The following CHRNA5 variants were observed in gnomAD, a reference collection of about 807,000 sequenced individuals.
CHRNA5 encodes the protein cholinergic receptor nicotinic alpha 5 subunit.
CHRNA5 carries 28 observed loss-of-function variants against 41.2 expected under a neutral mutation model. The ratio of observed to expected loss-of-function variants is 0.68; its 90% CI spans 0.50 to 0.93. The LOEUF (loss-of-function observed/expected upper bound fraction) is 0.93, where lower values mean the gene tolerates loss of function less well. CHRNA5 is among the 40% of genes least tolerant of loss of function. CHRNA5 has a pLI of 0.00. For synonymous variants in CHRNA5, 188 were observed against 205.8 expected (o/e 0.91, Z 0.74); for missense variants, 481 against 581.9 (o/e 0.83, Z 1.78).
rs201192025 is a variant in CHRNA5, at chr15:78,588,308, T to G, written c.304-6T>G. ...TGAAATTGAGGCAGATTTCTTTGTT[T>G]TAAAGGAATGGATAGATGTAAAATT... On this transcript the variant is annotated splice_polypyrimidine_tract_variant and splice_region_variant and intron_variant, in intron 3 of 5. Transcript: ENST00000299565. This position sits in a 1 kb window ranked among gnomAD's most constrained non-coding sequence, Gnocchi z 4.1. 6.9e-7 allele frequency: 1 copy of G among 1,446,168 alleles called. No individual in the cohort carries two copies. Among genetic ancestry groups the G allele is most frequent in the African/African-American group, 1.4e-5 (1 of 70,242 alleles). 89.6% of individuals were successfully genotyped at this position (1,446,168 alleles called of 1,614,324 possible). A position where few individuals can be genotyped will look rare whatever the true frequency, so the allele number is the denominator to read the frequency against.
intron 3 of CHRNA5, 23 bp downstream of exon 3, chr15:78,586,712 G>A: frequency 1.9e-6 from 3 of 1,576,254 alleles, no homozygotes; most frequent in Non-Finnish European, 2.6e-6. Context: ...AATTCAAACG[G>A]GCACCCAATT....
chr15:78,588,125 ATGG>A lies in CHRNA5; in HGVS notation c.304-186_304-184del, dbSNP rs2052977833. ...TTCTCACCTGTGTCTCACAGGGACC[ATGG>A]TGAGAACCACTACACAAGGGGACAG... On this transcript the variant is annotated intron_variant, in intron 3 of 5. Transcript: ENST00000299565. The surrounding 1 kb of genome is among the most constrained non-coding windows in gnomAD (Gnocchi z 4.1). 6.6e-6 allele frequency among the ~76,000 whole-genome samples: 1 copy of A among 152,048 alleles called. No homozygotes were observed. Among genetic ancestry groups the A allele is most frequent in the Admixed American group, 6.6e-5 (1 of 15,258 alleles).
At chr15:78,576,599 A>G (rs1343248131) in intron 1 of CHRNA5, among the ~76,000 whole-genome samples, 2 of 151,070 alleles carry the variant, frequency 1.3e-5, no homozygotes, top group Admixed American at 1.3e-4. Context: ...CTGAGCTACA[A>G]AAAGAGACCC....
intron 1 of CHRNA5, among the ~76,000 whole-genome samples, chr15:78,571,100 ACT>A (rs1476759201): frequency 1.1e-4 from 17 of 152,228 alleles, no homozygotes; most frequent in African/African-American, 3.9e-4. Context: ...AGGGCCTGAG[ACT>A]CTGCATTTCT....
At chr15:78,570,100 G>A (rs552280139) in intron 1 of CHRNA5, among the ~76,000 whole-genome samples, 3 of 152,296 alleles carry the variant, frequency 2.0e-5, no homozygotes, top group Admixed American at 6.5e-5. Context: ...GGGATTACAG[G>A]CGTGAGCCAC....
intron 1 of CHRNA5, among the ~76,000 whole-genome samples, chr15:78,576,398 G>A (rs1030611630): frequency 1.3e-5 from 2 of 152,088 alleles, no homozygotes; most frequent in Non-Finnish European, 2.9e-5. Context: ...CATTTGCCTC[G>A]GCCTCCCAAA....
At chr15:78,569,037 A>T (rs189562557) in intron 1 of CHRNA5, among the ~76,000 whole-genome samples, 1 of 152,226 alleles carries the variant, frequency 6.6e-6, no homozygotes, top group Non-Finnish European at 1.5e-5. Flanking sequence ...TTTGTTATAT[A>T]TATGTCCTTA....
rs2141419328 is a variant in CHRNA5, at chr15:78,588,271, T to C, written c.304-43T>C. On this transcript the variant is annotated intron_variant, in intron 3 of 5. Coordinates refer to ENST00000299565, the Ensembl canonical transcript of CHRNA5. This position sits in a 1 kb window ranked among gnomAD's most constrained non-coding sequence, Gnocchi z 4.1. ...AAGTATGGTATTCACTGTTTTTGAC[T>C]ATTAGTTTTATTGAAATTGAGGCAG... The C allele has an allele frequency of 9.5e-7, 1 of 1,055,340 alleles. No individual in the cohort carries two copies. Among genetic ancestry groups the C allele is most frequent in the South Asian group, 1.5e-5 (1 of 66,842 alleles). 65.4% of individuals were successfully genotyped at this position (1,055,340 alleles called of 1,614,324 possible). A position where few individuals can be genotyped will look rare whatever the true frequency, so the allele number is the denominator to read the frequency against.
At chr15:78,592,645 G>C (rs2053029418) in intron 5 of CHRNA5, among the ~76,000 whole-genome samples, 1 of 152,218 alleles carries the variant, frequency 6.6e-6, no homozygotes, top group Non-Finnish European at 1.5e-5. Flanking sequence ...AAGTGTGTAT[G>C]TGAGGAAGAT....
intron 1 of CHRNA5, among the ~76,000 whole-genome samples, chr15:78,569,274 A>G (rs917318831): frequency 3.3e-5 from 5 of 152,136 alleles, no homozygotes; most frequent in Non-Finnish European, 7.3e-5. Flanking sequence ...GTAATTTTTT[A>G]TAATTAGGAT....
At chr15:78,586,656 T>A (rs1286786146) in exon 3 of CHRNA5, 1 of 1,590,054 alleles carries the variant, frequency 6.3e-7, no homozygotes, top group Admixed American at 1.7e-5. Flanking sequence ...ATGAGAAAAA[T>A]CAGTTAATGA....
chr15:78,570,422 C>CTTTTTTTTTTT (rs1567050748), intron 1 of CHRNA5, among the ~76,000 whole-genome samples: 13 of 66,270 alleles, frequency 2.0e-4, no homozygotes, highest in Admixed American at 1.0e-3. Context: ...CCAATCCCGG[C>CTTTTTTTTTTT]TATTTTTTTT....
Position 78,589,880 on chromosome 15 carries a change from G to A in CHRNA5, c.489G>A (p.Pro163=), listed in dbSNP as rs773866112. The change falls in exon 5 of 6, where the codon CCG becomes CCA. Residue 163 remains proline (P), a synonymous_variant. Transcript: ENST00000299565. ...ATGGCACTGTCACCTGGACTCCACC[G>A]GCAAACTACAAAAGTTCCTGTACCA... The A allele has an allele frequency of 9.3e-6, 15 of 1,613,846 alleles. No individual in the cohort carries two copies. In the Admixed American group the frequency reaches 1.0e-4, roughly 11 times the overall value.
intron 1 of CHRNA5, among the ~76,000 whole-genome samples, chr15:78,567,021 G>C (rs2052756026): frequency 6.6e-6 from 1 of 152,134 alleles, no homozygotes; most frequent in African/African-American, 2.4e-5. Flanking sequence ...GGGAGGCCGA[G>C]GCGGGCAGAT....
In CHRNA5 at chr15:78,575,775, G is replaced by C. The variant is rs184484190; in HGVS notation, c.107-5036G>C. On this transcript the variant is annotated intron_variant, in intron 1 of 5. Coordinates refer to ENST00000299565, the Ensembl canonical transcript of CHRNA5. ...GTACTTTTTTAATACCTGTGTCACA[G>C]ATGAAGAAAAATCATATCCAAAGTT... Among the ~76,000 whole-genome samples, 844 of 152,324 alleles carry C rather than the reference G, an allele frequency of 5.5e-3. 32 individuals carry two copies. The highest frequency in any genetic ancestry group is 0.05 in the Admixed American group (771 of 15,280).
At chr15:78,570,424 A>ATTTTTTTTTTTTTTTTTTTTTTTTTTTTT (rs71148540) in intron 1 of CHRNA5, among the ~76,000 whole-genome samples, 1 of 64,172 alleles carries the variant, frequency 1.6e-5, no homozygotes, top group African/African-American at 6.7e-5. Context: ...AATCCCGGCT[A>ATTTTTTTTTTTTTTTTTTTTTTTTTTTTT]TTTTTTTTTT....
At chr15:78,567,279 A>T (rs565432120) in intron 1 of CHRNA5, among the ~76,000 whole-genome samples, 1 of 142,672 alleles carries the variant, frequency 7.0e-6, no homozygotes, top group East Asian at 1.9e-4. Flanking sequence ...AAAAGAAAAG[A>T]AATGGGGGTA....
intron 1 of CHRNA5, among the ~76,000 whole-genome samples, chr15:78,577,961 CTTTTAT>C (rs1286815347): frequency 3.1e-4 from 24 of 77,790 alleles, no homozygotes; most frequent in Admixed American, 9.1e-4. Flanking sequence ...TTTATTAATA[CTTTTAT>C]CTTTTAACCC....
chr15:78,585,680 A>G (rs1459939018), intron 2 of CHRNA5, among the ~76,000 whole-genome samples: 1 of 152,230 alleles, frequency 6.6e-6, no homozygotes, highest in Non-Finnish European at 1.5e-5. Flanking sequence ...GGTGTAAGTG[A>G]GAAGTACCAA....
Sources: gnomAD v4.1 joint callset for allele counts (sites outside exome capture counted in the v4.1 genomes callset) on GRCh38, gnomAD v4.1.1 for gene constraint, Gnocchi (gnomAD v3.1) non-coding constraint, MANE v1.5 for transcripts, NCBI Gene and HGNC (gene_info 2026-07-23, HGNC 2026-07-21) for gene names.